Variants in ETV7 observed in about 807,000 individuals in gnomAD.
ETV7 encodes the protein transcription factor ETV7.
In ETV7, 43 loss-of-function variants were observed where a neutral mutation model predicts 39.1. The observed-to-expected ratio is 1.10, with a 90% confidence interval of 0.86 to 1.42. The LOEUF is 1.42. Among genes scored for constraint, ETV7 ranks in the 40% most tolerant of loss-of-function variants. The probability of loss-of-function intolerance (pLI) is 0.00; values close to 1 mark genes in which losing one functional copy is unlikely to be tolerated. For missense variants in ETV7, 432 were observed against 442.3 expected, an observed-to-expected ratio of 0.98 and a Z score of 0.21; for synonymous variants, 196 against 176.6, an observed-to-expected ratio of 1.11 and a Z score of -0.87.
At chr6:36,358,647 G>A (rs1772399893) in intron 7 of ETV7, among the ~76,000 whole-genome samples, 1 of 152,194 alleles carries the variant, frequency 6.6e-6, no homozygotes, top group South Asian at 2.1e-4. Flanking sequence ...AGAAGAAAGT[G>A]CCTTTGTTGG....
chr6:36,356,323 C>CA (rs59649348), intron 7 of ETV7, among the ~76,000 whole-genome samples: 19,572 of 77,226 alleles, frequency 0.25, 2,122 homozygotes, highest in African/African-American at 0.36. Context: ...GACCCTGTCT[C>CA]AAAAAAAAAA....
chr6:36,371,647 G>A, intron 4 of ETV7, 87 bp from the exon 5 acceptor site: 1 of 1,183,232 alleles, frequency 8.5e-7, no homozygotes, highest in Non-Finnish European at 1.2e-6. Flanking sequence ...TGGGAGCCCT[G>A]TGGGGCAGCA....
intron 4 of ETV7, among the ~76,000 whole-genome samples, chr6:36,371,884 C>T (rs926929170): frequency 1.3e-5 from 2 of 152,202 alleles, no homozygotes; most frequent in East Asian, 1.9e-4. Context: ...ATTTGCCCAA[C>T]GAGTATTTAT....
exon 8 of ETV7, chr6:36,354,637 T>TG: frequency 1.4e-6 from 1 of 696,748 alleles, no homozygotes; most frequent in Non-Finnish European, 2.6e-6. Flanking sequence ...TTTGGCTATT[T>TG]GGGGTCACTG....
downstream of ETV7, among the ~76,000 whole-genome samples, chr6:36,364,782 G>A (rs1772658990): frequency 1.3e-5 from 2 of 152,230 alleles, no homozygotes; most frequent in Non-Finnish European, 2.9e-5. Context: ...CTGCCAGCAC[G>A]CTGTCATCTC....
At chr6:36,363,228 T>C (rs939507260), downstream of ETV7, among the ~76,000 whole-genome samples, 4 of 152,192 alleles carry the variant, frequency 2.6e-5, no homozygotes, top group Non-Finnish European at 5.9e-5. Context: ...AGGTGGCGCA[T>C]CTGGAGTTTG....
chr6:36,355,834 C>T (rs1327309033), intron 7 of ETV7, among the ~76,000 whole-genome samples: 1 of 152,198 alleles, frequency 6.6e-6, no homozygotes, highest in Admixed American at 6.5e-5. Flanking sequence ...GAATATTTGA[C>T]ACCACTCAGT....
At chr6:36,371,288 T>C (rs1182354937) in intron 5 of ETV7, 42 bp downstream of exon 5, 1 of 1,527,758 alleles carries the variant, frequency 6.5e-7, no homozygotes, top group African/African-American at 1.4e-5. Flanking sequence ...AGACTCAGAC[T>C]CAGTGCACCT....
At chr6:36,363,531 G>T (rs527393359), downstream of ETV7, among the ~76,000 whole-genome samples, 4 of 152,198 alleles carry the variant, frequency 2.6e-5, no homozygotes, top group African/African-American at 9.6e-5. Context: ...GCAGATCTTC[G>T]CACTAAGCGT....
chr6:36,356,019 G>C (rs962932619), intron 7 of ETV7, among the ~76,000 whole-genome samples: 2 of 152,172 alleles, frequency 1.3e-5, no homozygotes, highest in African/African-American at 4.8e-5. Context: ...ACCTCCTTAA[G>C]AAATAGACCT....
chr6:36,359,910 T>C (rs1364279525), intron 7 of ETV7, among the ~76,000 whole-genome samples: 1 of 151,998 alleles, frequency 6.6e-6, no homozygotes, highest in Non-Finnish European at 1.5e-5. Context: ...TTTTTTTTTT[T>C]CTTTTGAGAC....
At chr6:36,375,506 G>A (rs1486886989) in intron 3 of ETV7, among the ~76,000 whole-genome samples, 1 of 152,186 alleles carries the variant, frequency 6.6e-6, no homozygotes. Flanking sequence ...ACCTCAGTGT[G>A]AATGAATATT....
chr6:36,381,479 C>T (rs145713400), intron 2 of ETV7, among the ~76,000 whole-genome samples: 96 of 152,302 alleles, frequency 6.3e-4, no homozygotes, highest in African/African-American at 1.7e-3. Flanking sequence ...AAAAACTCAA[C>T]GAATGAATGG....
intron 3 of ETV7, 84 bp from the exon 4 acceptor site, chr6:36,373,662 C>A: frequency 7.0e-7 from 1 of 1,437,112 alleles, no homozygotes; most frequent in African/African-American, 1.5e-5. Flanking sequence ...CCACCTGCCT[C>A]AGGGCAAGGG....
At chr6:36,387,454 T>C (rs372498891) in intron 1 of ETV7, 82 bp downstream of exon 1, 59 of 1,585,344 alleles carry the variant, frequency 3.7e-5, no homozygotes, top group Non-Finnish European at 4.3e-5. Context: ...TAAAATAGGT[T>C]TGGAAATCTA....
chr6:36,375,884 A>G lies in ETV7; in HGVS notation c.294T>C (p.Arg98=). The G allele has an allele frequency of 6.2e-7, 1 of 1,614,098 alleles. No homozygotes were observed. Among genetic ancestry groups the G allele is most frequent in the Non-Finnish European group, 8.5e-7 (1 of 1,180,036 alleles). Residue 98 remains arginine, a synonymous_variant, in exon 3 of 8, where the codon CGT becomes CGC. Transcript: ENST00000340181. ...CGTTTCCCTGACCTGAGCTGGGCGC[A>G]CGGTGCCGGAAGTCGTCCTTGGTGA... ...CILTKDDFRH[R]APSSGDVLYE...
chr6:36,359,209 G>C (rs1772412953), intron 7 of ETV7, among the ~76,000 whole-genome samples: 5 of 152,206 alleles, frequency 3.3e-5, no homozygotes, highest in Admixed American at 3.3e-4. Context: ...CCAGCACTTT[G>C]GGAGGCCAAG....
intron 7 of ETV7, among the ~76,000 whole-genome samples, chr6:36,360,841 G>A: frequency 6.6e-6 from 1 of 152,162 alleles, no homozygotes; most frequent in Non-Finnish European, 1.5e-5. Flanking sequence ...TGGAAAAAGA[G>A]AGCAGAAGCC....
chr6:36,359,523 CAT>C lies in ETV7; in HGVS notation c.909-4838_909-4837del, dbSNP rs1172707459. On this transcript the variant is annotated intron_variant, in intron 7 of 7. Transcript: ENST00000339796. The stretch of plus-strand genomic sequence containing the variant: ...CAGTCTACTACAGGAGAGAAAGTGA[CAT>C]AGGTAAAGATGATTTGTTCCTGCTT... 3.3e-5 allele frequency among the ~76,000 whole-genome samples: 5 copies of C among 151,976 alleles called. No individual in the cohort carries two copies. In the East Asian group the frequency reaches 9.6e-4, roughly 29 times the overall value.
Sources: gnomAD v4.1 joint callset for allele counts (sites outside exome capture counted in the v4.1 genomes callset) on GRCh38, gnomAD v4.1.1 for gene constraint, MANE v1.5 for transcripts, NCBI Gene and HGNC (gene_info 2026-07-23, HGNC 2026-07-21) for gene names.